CPA5: variants seen among roughly 807,000 people sequenced by gnomAD.
CPA5 encodes carboxypeptidase A5.
CPA5 carries 38 observed loss-of-function variants against 52.2 expected under a neutral mutation model. The observed-to-expected ratio is 0.73, with a 90% CI of 0.56 to 0.95. CPA5 has a LOEUF of 0.95. Among genes scored for constraint, CPA5 ranks in the 40% least tolerant of loss-of-function variants. The probability of loss-of-function intolerance (pLI) is 0.00; values close to 1 mark genes in which losing one functional copy is unlikely to be tolerated. For missense variants in CPA5, 519 were observed against 566.7 expected (o/e 0.92, Z 0.86); for synonymous variants, 198 against 213.7 (o/e 0.93, Z 0.64).
Position 130,368,513 on chromosome 7 carries a change from G to A in CPA5, c.1227G>A (p.Pro409=), listed in dbSNP as rs781949565. The A allele has an allele frequency of 1.7e-5, 27 of 1,613,924 alleles. No individual in the cohort carries two copies. The highest frequency in any genetic ancestry group is 3.3e-5 in the Admixed American group (2 of 59,996). Residue 409 remains proline, a synonymous_variant, in exon 13 of 13, where the codon CCG becomes CCA. Transcript: ENST00000474905. ...CTGGGCAGTATGGCTTCCTGCTGCCGGCCACACAGATCATCCCCACGGCCC... is the reference window on the plus strand; with the variant it reads ...CTGGGCAGTATGGCTTCCTGCTGCCAGCCACACAGATCATCCCCACGGCCC... ...RDTGQYGFLL[P]ATQIIPTAQE... is the part of the protein sequence containing the mutation.
At chr7:130,362,108 G>C (rs1795822243) in intron 7 of CPA5, among the ~76,000 whole-genome samples, 1 of 152,144 alleles carries the variant, frequency 6.6e-6, no homozygotes, top group Non-Finnish European at 1.5e-5. Flanking sequence ...GACCTACTAA[G>C]TCAGAATCTG....
Position 130,350,058 on chromosome 7 carries a change from T to G in CPA5, c.282T>G (p.Ala94=). The G allele has an allele frequency of 6.2e-7, 1 of 1,614,066 alleles. No homozygotes were observed. The highest frequency in any genetic ancestry group is 8.5e-7 in the Non-Finnish European group (1 of 1,179,972). The change falls in exon 5 of 13, where the codon GCT becomes GCG. Residue 94 remains alanine, a synonymous_variant. Transcript: ENST00000474905. Reference sequence around the variant, plus strand: ...TCTCTGAACTGAAAGACATCAAAGCTTATCTGGAGTCTCATGGACTTGCTT... The same window carrying G: ...TCTCTGAACTGAAAGACATCAAAGCGTATCTGGAGTCTCATGGACTTGCTT... ...VPFSELKDIK[A]YLESHGLAYS...
chr7:130,348,822 C>G (rs1794938593), intron 4 of CPA5, among the ~76,000 whole-genome samples: 1 of 152,188 alleles, frequency 6.6e-6, no homozygotes, highest in Non-Finnish European at 1.5e-5. Flanking sequence ...ACAGTAGTCC[C>G]TCCTGATTGG....
chr7:130,347,717 C>G, intron 3 of CPA5, 49 bp from the exon 4 acceptor site: 1 of 1,521,212 alleles, frequency 6.6e-7, no homozygotes, highest in Non-Finnish European at 9.1e-7. Context: ...CACAGCCTTC[C>G]AGGGATCCTT....
intron 4 of CPA5, among the ~76,000 whole-genome samples, chr7:130,348,141 A>C (rs1467230593): frequency 1.3e-5 from 2 of 152,064 alleles, no homozygotes; most frequent in Non-Finnish European, 2.9e-5. Flanking sequence ...GAATTTCCTA[A>C]AGCCACACGG....
chr7:130,360,667 C>T (rs1283616259), intron 6 of CPA5, among the ~76,000 whole-genome samples: 1 of 152,234 alleles, frequency 6.6e-6, no homozygotes, highest in Non-Finnish European at 1.5e-5. Context: ...ATAATACAGT[C>T]TGTCACTATT....
intron 4 of CPA5, among the ~76,000 whole-genome samples, chr7:130,349,260 C>A (rs1213334926): frequency 6.6e-6 from 1 of 151,994 alleles, no homozygotes; most frequent in African/African-American, 2.4e-5. Flanking sequence ...TGGTGAAACC[C>A]CTGTCTCTAC....
chr7:130,366,826 T>A lies in CPA5; in HGVS notation c.839-546T>A, dbSNP rs1584835631. Among the ~76,000 whole-genome samples the A allele has an allele frequency of 2.0e-5, 3 of 152,178 alleles. No homozygotes were observed. In the East Asian group the frequency reaches 5.8e-4, roughly 29 times the overall value. On this transcript the variant is annotated intron_variant, in intron 10 of 12. Coordinates refer to ENST00000474905, the MANE Select transcript of CPA5 (RefSeq NM_080385.5). ...GGGAAGCCAGGGTTGGGGCAGAGAC[T>A]TACAGTTTCCTCTGGATGCAACTTC... is the stretch of plus-strand genomic sequence containing the variant.
chr7:130,363,793 G>A (rs1253537871), intron 10 of CPA5, among the ~76,000 whole-genome samples: 1 of 152,190 alleles, frequency 6.6e-6, no homozygotes, highest in Non-Finnish European at 1.5e-5. Flanking sequence ...AACTGCATGA[G>A]TCAAATCCTA....
downstream of CPA5, among the ~76,000 whole-genome samples, chr7:130,369,360 C>T (rs193116117): frequency 1.3e-5 from 2 of 152,312 alleles, no homozygotes; most frequent in Non-Finnish European, 2.9e-5. Flanking sequence ...AAGGGGCACT[C>T]GTGAGATACT....
chr7:130,350,433 G>C (rs10247835), intron 5 of CPA5, among the ~76,000 whole-genome samples: 1 of 151,906 alleles, frequency 6.6e-6, no homozygotes, highest in Non-Finnish European at 1.5e-5. Context: ...TCTTCCCCAG[G>C]CACCGTGGGA....
At chr7:130,364,279 G>A (rs1795954597) in intron 10 of CPA5, among the ~76,000 whole-genome samples, 1 of 152,212 alleles carries the variant, frequency 6.6e-6, no homozygotes, top group South Asian at 2.1e-4. Flanking sequence ...TGCAATGTCT[G>A]CCTCCTGGGT....
chr7:130,362,800 G>A, intron 8 of CPA5, 84 bp from the exon 9 acceptor site: 1 of 833,576 alleles, frequency 1.2e-6, no homozygotes. Context: ...ATCCCTTCCT[G>A]CAGCCACTGG....
chr7:130,371,574 CTT>C (rs11380714), downstream of CPA5, among the ~76,000 whole-genome samples: 3 of 145,732 alleles, frequency 2.1e-5, no homozygotes, highest in Admixed American at 6.9e-5. Flanking sequence ...TGGAGGTCTT[CTT>C]TTTTTTTTTT....
Position 130,367,949 on chromosome 7 carries a change from A to C in CPA5, c.1082A>C (p.His361Pro). ...GCGGTGGAGGCCTTGTATAAGGTCC[A>C]TGGGATCGAGTACATTTTTGGCAGC... ...KDAVEALYKV[H>P]GIEYIFGSIS... Residue 361 changes from histidine to proline, a missense_variant, in exon 12 of 13, where the codon CAT (histidine) becomes CCT (proline). By Grantham distance (77) the His-to-Pro change is moderately conservative. Transcript: ENST00000474905. 4 of 1,614,224 alleles carry C rather than the reference A, an allele frequency of 2.5e-6. No homozygotes were observed. Among genetic ancestry groups the C allele is most frequent in the Non-Finnish European group, 3.4e-6 (4 of 1,180,040 alleles).
chr7:130,363,645 C>T lies in CPA5; in HGVS notation c.838+136C>T, dbSNP rs1050496935. ...GTAGTCAGCTAATATGCATGAGTCACGGCCAGGGACAGGCAAGCACATACC... is the reference window on the plus strand; with the variant it reads ...GTAGTCAGCTAATATGCATGAGTCATGGCCAGGGACAGGCAAGCACATACC... On this transcript the variant is annotated intron_variant, in intron 10 of 12. Transcript: ENST00000474905. 2.8e-5 allele frequency: 20 copies of T among 723,748 alleles called. No homozygotes were observed. The Middle Eastern group carries it at 7.2e-4, about 26-fold the overall frequency. 44.8% of individuals were successfully genotyped at this position (723,748 alleles called of 1,614,324 possible).
intron 6 of CPA5, among the ~76,000 whole-genome samples, 170 bp downstream of exon 6, chr7:130,359,857 A>G (rs1795696425): frequency 6.6e-6 from 1 of 152,220 alleles, no homozygotes; most frequent in African/African-American, 2.4e-5. Context: ...AGAGAGTCAT[A>G]TTCAAAGAGA....
At chr7:130,353,990 A>G (rs1178891107) in intron 5 of CPA5, among the ~76,000 whole-genome samples, 2 of 152,174 alleles carry the variant, frequency 1.3e-5, no homozygotes, top group Non-Finnish European at 2.9e-5. Flanking sequence ...TGGCACGATC[A>G]TGGCTCACTG....
At chr7:130,356,591 T>A (rs916403427) in intron 5 of CPA5, among the ~76,000 whole-genome samples, 1 of 152,184 alleles carries the variant, frequency 6.6e-6, no homozygotes, top group African/African-American at 2.4e-5. Flanking sequence ...AATTCCCAGT[T>A]TGAAAGAGGG....
Sources: allele counts gnomAD v4.1 joint callset (sites outside exome capture counted in the v4.1 genomes callset), GRCh38; gene constraint gnomAD v4.1.1; transcripts MANE v1.5; gene names NCBI Gene and HGNC (gene_info 2026-07-23, HGNC 2026-07-21).